TBC1D32: variants seen among roughly 807,000 people sequenced by gnomAD.
TBC1D32 encodes TBC1 domain family member 32.
In TBC1D32, 151 loss-of-function variants were observed where a neutral mutation model predicts 170.3. That is an observed-to-expected ratio of 0.89 (90% CI 0.78 to 1.01). The LOEUF is 1.01. TBC1D32 is among the 50% of genes least tolerant of loss of function. The pLI, the probability that TBC1D32 is intolerant of heterozygous loss-of-function variation, is 0.00. For missense variants in TBC1D32, 1,464 were observed against 1,457.1 expected (o/e 1.00, Z -0.08); for synonymous variants, 498 against 488.0 (o/e 1.02, Z -0.27).
At chr6:121,134,502 C>A (rs1295434212) in intron 24 of TBC1D32, among the ~76,000 whole-genome samples, 2 of 151,938 alleles carry the variant, frequency 1.3e-5, no homozygotes, top group Non-Finnish European at 2.9e-5. Context: ...GCCTGAAGGA[C>A]CCAGTTTAGA....
chr6:121,109,480 C>T (rs550236975), intron 29 of TBC1D32, among the ~76,000 whole-genome samples: 1 of 152,202 alleles, frequency 6.6e-6, no homozygotes, highest in South Asian at 2.1e-4. Context: ...TTTATGATCA[C>T]TACTTTAATT....
chr6:121,115,471 C>T, intron 26 of TBC1D32: 1 of 369,876 alleles, frequency 2.7e-6, no homozygotes, highest in Non-Finnish European at 4.9e-6. Context: ...ATATTAAATA[C>T]ATAACAATAG....
At chr6:121,250,187 C>T (rs1798112182) in intron 17 of TBC1D32, among the ~76,000 whole-genome samples, 1 of 151,896 alleles carries the variant, frequency 6.6e-6, no homozygotes, top group African/African-American at 2.4e-5. Context: ...ATTCCTTCTG[C>T]AATATTCCAA....
intron 22 of TBC1D32, among the ~76,000 whole-genome samples, chr6:121,200,129 T>C (rs1195720104): frequency 6.6e-6 from 1 of 151,378 alleles, no homozygotes; most frequent in Non-Finnish European, 1.5e-5. Context: ...TAACAATAAA[T>C]AGGCCACATT....
chr6:121,240,774 G>A (rs1796874462), intron 19 of TBC1D32, among the ~76,000 whole-genome samples: 1 of 149,528 alleles, frequency 6.7e-6, no homozygotes, highest in South Asian at 2.1e-4. Context: ...TGTAATCTCA[G>A]CTACTCAGCA....
chr6:121,153,395 G>A (rs1784453467), intron 24 of TBC1D32, among the ~76,000 whole-genome samples: 1 of 152,128 alleles, frequency 6.6e-6, no homozygotes, highest in Non-Finnish European at 1.5e-5. Context: ...CCCACCAGAT[G>A]CCAGCTGAAG....
At chr6:121,151,871 C>T (rs574077394) in intron 24 of TBC1D32, among the ~76,000 whole-genome samples, 4 of 152,086 alleles carry the variant, frequency 2.6e-5, no homozygotes, top group Non-Finnish European at 4.4e-5. Context: ...TTCGTCCATG[C>T]CTTTATTTTG....
chr6:121,249,516 A>T (rs939465630), intron 17 of TBC1D32, among the ~76,000 whole-genome samples: 1 of 152,048 alleles, frequency 6.6e-6, no homozygotes, highest in Non-Finnish European at 1.5e-5. Context: ...AGAAAAGAGG[A>T]AGTCAAACTG....
chr6:121,185,245 G>T (rs1789039228), intron 22 of TBC1D32, among the ~76,000 whole-genome samples: 1 of 151,944 alleles, frequency 6.6e-6, no homozygotes, highest in African/African-American at 2.4e-5. Flanking sequence ...CTATAAATCA[G>T]ATTTAGTAAC....
intron 4 of TBC1D32, among the ~76,000 whole-genome samples, chr6:121,310,026 C>A (rs1282102151): frequency 6.6e-6 from 1 of 151,594 alleles, no homozygotes; most frequent in Non-Finnish European, 1.5e-5. Context: ...CAGAGTAAGA[C>A]CCTATCTTAA....
At chr6:121,312,375 T>C (rs1421605936) in intron 3 of TBC1D32, among the ~76,000 whole-genome samples, 1 of 152,176 alleles carries the variant, frequency 6.6e-6, no homozygotes, top group African/African-American at 2.4e-5. Flanking sequence ...AAGTGCTACA[T>C]TAAGAATAAA....
chr6:121,112,345 A>T, intron 29 of TBC1D32, 160 bp downstream of exon 29: 2 of 572,076 alleles, frequency 3.5e-6, no homozygotes, highest in Non-Finnish European at 5.5e-6. Flanking sequence ...GAAAATATCA[A>T]ATCTATATAA....
In TBC1D32 at chr6:121,095,142, G is replaced by A. The variant is rs116500432; in HGVS notation, c.3466-4101C>T. On this transcript the variant is annotated intron_variant, in intron 30 of 31. Transcript: ENST00000398212. ...AAACCACCATTCCATAAATAATATA[G>A]AACTAATTACACTTTAAGACATTTA... Among the ~76,000 whole-genome samples the A allele has an allele frequency of 8.7e-3, 1,324 of 152,162 alleles. 16 individuals carry two copies. Among genetic ancestry groups the A allele is most frequent in the African/African-American group, 0.03 (1,257 of 41,532 alleles).
chr6:121,090,250 C>T (rs570084076), intron 31 of TBC1D32, among the ~76,000 whole-genome samples: 93 of 152,262 alleles, frequency 6.1e-4, no homozygotes, highest in African/African-American at 1.8e-3. Flanking sequence ...AGATTCTTAA[C>T]TGTAAACAAA....
At chr6:121,313,525 C>T (rs1808538820) in intron 3 of TBC1D32, among the ~76,000 whole-genome samples, 2 of 152,136 alleles carry the variant, frequency 1.3e-5, no homozygotes, top group Middle Eastern at 3.4e-3. Flanking sequence ...ATTCCTCTTC[C>T]AAATAATCCA....
intron 13 of TBC1D32, among the ~76,000 whole-genome samples, chr6:121,282,347 T>C (rs935358085): frequency 2.6e-5 from 4 of 151,752 alleles, no homozygotes; most frequent in Non-Finnish European, 5.9e-5. Context: ...TTTTCAGATA[T>C]ATAATCTAAT....
chr6:121,231,935 TA>T (rs1476292662), intron 20 of TBC1D32, among the ~76,000 whole-genome samples: 3 of 152,202 alleles, frequency 2.0e-5, no homozygotes, highest in Admixed American at 6.5e-5. Flanking sequence ...AAGTCCCATC[TA>T]TTTATCTTTG....
intron 2 of TBC1D32, among the ~76,000 whole-genome samples, chr6:121,318,611 G>T (rs1160649572): frequency 6.6e-6 from 1 of 151,830 alleles, no homozygotes; most frequent in African/African-American, 2.4e-5. Context: ...TTACCAGCCA[G>T]CTCTGTCATC....
At chr6:121,181,349 G>C (rs1455339803) in intron 22 of TBC1D32, among the ~76,000 whole-genome samples, 3 of 151,990 alleles carry the variant, frequency 2.0e-5, no homozygotes, top group Non-Finnish European at 4.4e-5. Flanking sequence ...GTAATAGTGA[G>C]TTCTCATAAG....
Sources: allele counts gnomAD v4.1 joint callset (sites outside exome capture counted in the v4.1 genomes callset), GRCh38; gene constraint gnomAD v4.1.1; transcripts MANE v1.5; gene names NCBI Gene and HGNC (gene_info 2026-07-23, HGNC 2026-07-21).